Variants in PUM2 observed in about 807,000 individuals in gnomAD.
PUM2 encodes the protein pumilio homolog 2.
PUM2 carries 57 observed loss-of-function variants against 124.5 expected under a neutral mutation model. The observed-to-expected ratio is 0.46, with a 90% CI of 0.37 to 0.57. PUM2 has a LOEUF of 0.57. Among genes scored for constraint, PUM2 ranks in the 20% least tolerant of loss-of-function variants. The probability of loss-of-function intolerance (pLI) is 0.00; values close to 1 mark genes in which losing one functional copy is unlikely to be tolerated. For synonymous variants in PUM2, 460 were observed against 446.1 expected (o/e 1.03, Z -0.39); for missense variants, 1,065 against 1,290.6 (o/e 0.83, Z 2.68).
At chr2:20,329,071 T>G (rs1684311732) in intron 1 of PUM2, among the ~76,000 whole-genome samples, 1 of 150,738 alleles carries the variant, frequency 6.6e-6, no homozygotes, top group Non-Finnish European at 1.5e-5. Context: ...CTCAGGAGGC[T>G]GAGGTGGGAA....
intron 7 of PUM2, 47 bp from the exon 8 acceptor site, chr2:20,297,725 A>AT (rs747745002): frequency 1.3e-5 from 20 of 1,552,360 alleles, no homozygotes; most frequent in South Asian, 7.9e-5. Flanking sequence ...GTAAAGTATG[A>AT]TTTTTTTCAT....
At chr2:20,351,394 G>T (rs935684307), upstream of PUM2, among the ~76,000 whole-genome samples, 3 of 152,232 alleles carry the variant, frequency 2.0e-5, no homozygotes, top group African/African-American at 7.2e-5. Flanking sequence ...CTGCGAGAGG[G>T]CTGTCACTCT....
intron 12 of PUM2, among the ~76,000 whole-genome samples, chr2:20,280,789 C>G (rs528258967): frequency 2.0e-5 from 3 of 152,200 alleles, no homozygotes; most frequent in Admixed American, 2.0e-4. Flanking sequence ...AGACAGACTG[C>G]TAATCATTCA....
At chr2:20,314,661 AG>A (rs1226072695) in intron 3 of PUM2, among the ~76,000 whole-genome samples, 1 of 152,204 alleles carries the variant, frequency 6.6e-6, no homozygotes, top group African/African-American at 2.4e-5. Context: ...AATGATGGCC[AG>A]GTTTGTTAAA....
At chr2:20,328,875 G>A (rs1004809512) in intron 1 of PUM2, among the ~76,000 whole-genome samples, 1 of 152,126 alleles carries the variant, frequency 6.6e-6, no homozygotes, top group Non-Finnish European at 1.5e-5. Context: ...GTTGTATTTA[G>A]GAAGCAAGAA....
At position 20,256,145 on chromosome 2, in the gene PUM2, C is replaced by T. The variant is rs1019322108; in HGVS notation, c.2510G>A (p.Gly837Asp). ...QQSEMVKELD[G>D]HVLKCVKDQN... ...ATCTTTCACACATTTGAGCACATGACCATCCAGCTCCTTTACCATTTCACT... is the reference window on the plus strand; with the variant it reads ...ATCTTTCACACATTTGAGCACATGATCATCCAGCTCCTTTACCATTTCACT... The change falls in exon 17 of 21, where the codon GGT becomes GAT. Residue 837 changes from glycine (G) to aspartate (D), a missense_variant. Physicochemically the swap from Gly to Asp is moderately conservative, Grantham distance 94. Coordinates refer to ENST00000361078, the MANE Select transcript of PUM2 (RefSeq NM_015317.5). The T allele has an allele frequency of 1.3e-6, 2 of 1,595,376 alleles. No homozygotes were observed. Among genetic ancestry groups the T allele is most frequent in the Non-Finnish European group, 1.7e-6 (2 of 1,173,962 alleles).
At chr2:20,334,355 T>C (rs1685540032) in intron 1 of PUM2, among the ~76,000 whole-genome samples, 1 of 152,130 alleles carries the variant, frequency 6.6e-6, no homozygotes, top group African/African-American at 2.4e-5. Flanking sequence ...TTCCTGGATA[T>C]CTGGTTCAAT....
intron 1 of PUM2, among the ~76,000 whole-genome samples, chr2:20,332,282 A>AGTGTGT (rs55986830): frequency 0.016 from 2,352 of 145,392 alleles, 43 homozygotes; most frequent in African/African-American, 0.047. Context: ...ATACTACTAG[A>AGTGTGT]GTGTGTGTGT....
Position 20,307,971 on chromosome 2 carries a change from G to C in PUM2, c.883+7C>G, listed in dbSNP as rs1369605826. ...TTTGGTCAAAATGAGAACGTATGAA[G>C]ACTCACCTATATGTGGCTGCTGAGC... On this transcript the variant is annotated splice_region_variant and intron_variant, in intron 7 of 20. Coordinates refer to ENST00000361078, the MANE Select transcript of PUM2 (RefSeq NM_015317.5). 8.7e-6 allele frequency: 14 copies of C among 1,610,798 alleles called. No homozygotes were observed. Among genetic ancestry groups the C allele is most frequent in the Non-Finnish European group, 1.1e-5 (13 of 1,177,706 alleles).
intron 2 of PUM2, chr2:20,326,363 G>C: frequency 1.5e-6 from 2 of 1,304,246 alleles, no homozygotes; most frequent in South Asian, 2.5e-5. Context: ...GCCCAAAGGA[G>C]AGACTTGGAC....
At chr2:20,271,925 G>A (rs191198827) in intron 13 of PUM2, among the ~76,000 whole-genome samples, 6 of 152,268 alleles carry the variant, frequency 3.9e-5, no homozygotes, top group Non-Finnish European at 5.9e-5. Flanking sequence ...TTGGGAGACC[G>A]AGGCAAGTGG....
At chr2:20,303,619 T>G (rs902278487) in intron 7 of PUM2, among the ~76,000 whole-genome samples, 1 of 152,218 alleles carries the variant, frequency 6.6e-6, no homozygotes, top group African/African-American at 2.4e-5. Context: ...TTACAAATGC[T>G]TTGTACATCC....
At chr2:20,281,664 C>T (rs1483741542) in intron 12 of PUM2, among the ~76,000 whole-genome samples, 1 of 152,112 alleles carries the variant, frequency 6.6e-6, no homozygotes, top group African/African-American at 2.4e-5. Context: ...AAGAGATACA[C>T]AACTCCAAAA....
intron 13 of PUM2, among the ~76,000 whole-genome samples, chr2:20,272,206 T>C (rs182568989): frequency 1.3e-5 from 2 of 152,036 alleles, no homozygotes; most frequent in African/African-American, 4.8e-5. Context: ...AATAAATAAA[T>C]AGAAAAGCAT....
chr2:20,294,332 AT>A (rs1558572605), intron 9 of PUM2, 43 bp downstream of exon 9: 3 of 1,594,956 alleles, frequency 1.9e-6, no homozygotes, highest in Non-Finnish European at 2.6e-6. Flanking sequence ...AGCTCAAAGA[AT>A]TTCAAAGAAT....
chr2:20,329,454 A>C (rs1030141608), intron 1 of PUM2, among the ~76,000 whole-genome samples: 2 of 151,848 alleles, frequency 1.3e-5, no homozygotes, highest in South Asian at 2.1e-4. Flanking sequence ...AAAAAAAAGA[A>C]AAGACAAAGA....
rs145792827 is a variant in PUM2, at chr2:20,260,331, C to T, written c.2355+6G>A. Reference sequence around the variant, plus strand: ...GGCGGATATACAAATATGCATGAATCCTTACCTCAAAAAACTTCTGTATAA... The same window carrying T: ...GGCGGATATACAAATATGCATGAATTCTTACCTCAAAAAACTTCTGTATAA... On this transcript the variant is annotated splice_donor_region_variant and intron_variant, in intron 15 of 20. Transcript: ENST00000361078. 6.9e-3 allele frequency: 11,092 copies of T among 1,605,970 alleles called. 125 individuals are homozygous for T. The highest frequency in any genetic ancestry group is 0.036 in the South Asian group (3,226 of 89,932).
intron 1 of PUM2, among the ~76,000 whole-genome samples, chr2:20,348,318 A>G (rs1688643705): frequency 6.6e-6 from 1 of 152,194 alleles, no homozygotes; most frequent in African/African-American, 2.4e-5. Flanking sequence ...AGACAAAGCC[A>G]TGTGAGACTC....
At chr2:20,327,193 A>G in intron 2 of PUM2, 117 bp downstream of exon 2, 1 of 705,082 alleles carries the variant, frequency 1.4e-6, no homozygotes, top group Non-Finnish European at 2.5e-6. Flanking sequence ...ACCCCTCCAT[A>G]TAGTTTGGAA....
Sources: gnomAD v4.1 joint callset for allele counts (sites outside exome capture counted in the v4.1 genomes callset) on GRCh38, gnomAD v4.1.1 for gene constraint, MANE v1.5 for transcripts, NCBI Gene and HGNC (gene_info 2026-07-23, HGNC 2026-07-21) for gene names.